Variants in EEA1 observed in about 807,000 individuals in gnomAD.
EEA1 encodes the protein early endosome antigen 1, also known as early endosome antigen 1, 162kD.
A neutral mutation model predicts 209.2 loss-of-function variants in EEA1; 111 were observed. That is an observed-to-expected ratio of 0.53 (90% CI 0.45 to 0.62). The LOEUF (loss-of-function observed/expected upper bound fraction) is 0.62, where lower values mean the gene tolerates loss of function less well. Ranked by LOEUF, EEA1 falls within the 20% of genes least tolerant of loss-of-function variation. The probability of loss-of-function intolerance (pLI) is 0.00; values close to 1 mark genes in which losing one functional copy is unlikely to be tolerated. For missense variants in EEA1, 1,343 were observed against 1,530.8 expected (o/e 0.88, Z 2.05); for synonymous variants, 536 against 540.6 (o/e 0.99, Z 0.12).
chr12:92,772,469 C>A lies in EEA1; in HGVS notation c.*3542G>T, dbSNP rs1029772553. ...CAAAATGGTTAATACAGTGTTCTCTCTTTTGTTAGACAAAACAATTTATAG... is the reference window on the plus strand; with the variant it reads ...CAAAATGGTTAATACAGTGTTCTCTATTTTGTTAGACAAAACAATTTATAG... On this transcript the variant is annotated 3_prime_UTR_variant, in exon 29 of 29. Transcript: ENST00000322349. The A allele has an allele frequency of 1.3e-5, 2 of 151,862 alleles. No individual in the cohort carries two copies. Among genetic ancestry groups the A allele is most frequent in the East Asian group, 3.9e-4 (2 of 5,182 alleles). The allele number at this position is 151,862 out of a possible 1,614,324, so 9.4% of individuals were successfully genotyped here. A position where few individuals can be genotyped will look rare whatever the true frequency, so the allele number is the denominator to read the frequency against.
At chr12:92,815,671 C>T (rs538932676) in intron 15 of EEA1, among the ~76,000 whole-genome samples, 7 of 151,566 alleles carry the variant, frequency 4.6e-5, no homozygotes, top group African/African-American at 1.7e-4. Context: ...AGGAAGACTG[C>T]TATATAGAAT....
intron 3 of EEA1, chr12:92,858,569 C>A (rs1877990895): frequency 4.0e-6 from 3 of 757,462 alleles, no homozygotes; most frequent in Admixed American, 3.5e-5. Flanking sequence ...AAGCTTAAAG[C>A]CAAACTGGCA....
intron 13 of EEA1, among the ~76,000 whole-genome samples, chr12:92,819,919 T>A (rs1875967668): frequency 6.6e-6 from 1 of 152,122 alleles, no homozygotes; most frequent in Non-Finnish European, 1.5e-5. Context: ...TTACTCCCCG[T>A]TCAACTGTTT....
chr12:92,849,871 A>C (rs1439739292), intron 9 of EEA1, among the ~76,000 whole-genome samples: 1 of 152,196 alleles, frequency 6.6e-6, no homozygotes, highest in East Asian at 1.9e-4. Flanking sequence ...TTAAACTGAA[A>C]ATATGAAAAT....
chr12:92,898,663 CA>C (rs111508712), intron 1 of EEA1, among the ~76,000 whole-genome samples: 199 of 114,980 alleles, frequency 1.7e-3, no homozygotes, highest in Middle Eastern at 0.012. Flanking sequence ...GACTCCATCT[CA>C]AAAAAAAAAA....
chr12:92,880,086 T>C (rs916217471), intron 2 of EEA1, among the ~76,000 whole-genome samples: 1 of 152,266 alleles, frequency 6.6e-6, no homozygotes, highest in Non-Finnish European at 1.5e-5. Context: ...ATGCATGGCA[T>C]GTAGTGTCCT....
chr12:92,909,080 G>A (rs936403286), intron 1 of EEA1, among the ~76,000 whole-genome samples: 30 of 152,138 alleles, frequency 2.0e-4, no homozygotes, highest in Admixed American at 7.2e-4. Flanking sequence ...AAAGTGCTGG[G>A]ATTACAGGCA....
At chr12:92,808,160 T>C (rs939898484) in intron 18 of EEA1, among the ~76,000 whole-genome samples, 1 of 152,164 alleles carries the variant, frequency 6.6e-6, no homozygotes. Context: ...ACCAATACCA[T>C]GATACTGGTG....
intron 1 of EEA1, among the ~76,000 whole-genome samples, chr12:92,912,674 G>A (rs1880621162): frequency 6.6e-6 from 1 of 152,108 alleles, no homozygotes; most frequent in African/African-American, 2.4e-5. Flanking sequence ...TAATGTCACT[G>A]TACAGAATAG....
intron 10 of EEA1, among the ~76,000 whole-genome samples, chr12:92,840,853 C>T (rs1037051232): frequency 1.3e-5 from 2 of 152,114 alleles, no homozygotes; most frequent in Admixed American, 1.3e-4. Flanking sequence ...AATTCATATA[C>T]TGAAACTCTA....
At position 92,787,811 on chromosome 12, in the gene EEA1, T is replaced by C. The variant is rs1874197880; in HGVS notation, c.3150+56A>G. On this transcript the variant is annotated intron_variant, in intron 22 of 28. Coordinates refer to ENST00000322349, the MANE Select transcript of EEA1 (RefSeq NM_003566.4). ...CCCATTTGGATTCAAATAGATCATT[T>C]AATAAATGTCTATAAAACTTACTGA... 5 of 1,311,972 alleles carry C rather than the reference T, an allele frequency of 3.8e-6. No homozygotes were observed. In the South Asian group the frequency reaches 1.2e-4, roughly 31 times the overall value. The allele number at this position is 1,311,972 out of a possible 1,614,324, so 81.3% of individuals were successfully genotyped here. A position where few individuals can be genotyped will look rare whatever the true frequency, so the allele number is the denominator to read the frequency against.
rs1233388755 is a variant in EEA1 at position 92,774,067 on chromosome 12, A to AAC, written c.*1943_*1944insGT. The stretch of plus-strand genomic sequence containing the variant: ...TTATTATCTCAAAAAAAAAAAAAAA[A>AAC]CAGTGGTGCTGTGAATATCTGTGTT... On this transcript the variant is annotated 3_prime_UTR_variant, in exon 29 of 29. Coordinates refer to ENST00000322349, the MANE Select transcript of EEA1 (RefSeq NM_003566.4). The AAC allele has an allele frequency of 2.0e-5, 3 of 150,720 alleles. No homozygotes were observed. Among genetic ancestry groups the AAC allele is most frequent in the African/African-American group, 7.3e-5 (3 of 41,136 alleles). The allele number at this position is 150,720 out of a possible 1,614,324, so 9.3% of individuals were successfully genotyped here. A position where few individuals can be genotyped will look rare whatever the true frequency, so the allele number is the denominator to read the frequency against.
chr12:92,792,836 A>C (rs538922203), intron 21 of EEA1, among the ~76,000 whole-genome samples: 16 of 152,334 alleles, frequency 1.1e-4, no homozygotes, highest in African/African-American at 3.8e-4. Context: ...TAAAAAAGAG[A>C]ATTTGAGGTC....
At chr12:92,856,767 CTTTTT>C in intron 5 of EEA1, among the ~76,000 whole-genome samples, 1 of 86,682 alleles carries the variant, frequency 1.2e-5, no homozygotes, top group South Asian at 4.4e-4. Flanking sequence ...ATACCTGATT[CTTTTT>C]TTTTTTTTTT....
chr12:92,810,409 G>C lies in EEA1; in HGVS notation c.2199+870C>G, dbSNP rs1021634583. On this transcript the variant is annotated intron_variant, in intron 17 of 28. Transcript: ENST00000322349. ...CACTTTTCAGTAAAATAATACTTCT[G>C]TTATTTTTAACCATGCCTAAAGTAC... Among the ~76,000 whole-genome samples the C allele has an allele frequency of 2.6e-5, 4 of 151,930 alleles. No individual in the cohort carries two copies. The South Asian group carries it at 8.3e-4, about 31-fold the overall frequency.
chr12:92,868,627 T>C (rs983282134), intron 2 of EEA1, among the ~76,000 whole-genome samples: 6 of 152,240 alleles, frequency 3.9e-5, no homozygotes, highest in African/African-American at 1.4e-4. Context: ...TCATTCCTAA[T>C]GAGAAATTTC....
intron 28 of EEA1, among the ~76,000 whole-genome samples, chr12:92,776,601 T>G (rs1016740572): frequency 7.9e-5 from 12 of 151,914 alleles, no homozygotes. Context: ...GTGCACTGAT[T>G]CAGAAAATGA....
intron 1 of EEA1, among the ~76,000 whole-genome samples, chr12:92,921,759 GAAAAA>G (rs751838383): frequency 1.3e-5 from 1 of 76,716 alleles, no homozygotes; most frequent in Non-Finnish European, 2.4e-5. Flanking sequence ...TAAAAAAAAA[GAAAAA>G]AAAAAAAAAA....
At chr12:92,830,058 T>G (rs1238434096) in intron 11 of EEA1, among the ~76,000 whole-genome samples, 3 of 151,900 alleles carry the variant, frequency 2.0e-5, no homozygotes, top group Non-Finnish European at 4.4e-5. Flanking sequence ...GGTACAATGG[T>G]TACTATACGG....
Sources: allele counts gnomAD v4.1 joint callset (sites outside exome capture counted in the v4.1 genomes callset), GRCh38; gene constraint gnomAD v4.1.1; transcripts MANE v1.5; gene names NCBI Gene and HGNC (gene_info 2026-07-23, HGNC 2026-07-21).